REDIC1: variants seen among roughly 807,000 people sequenced by gnomAD.
The protein encoded by REDIC1 is HEI10 Interacting Protein 1.
At chr12:39,759,271 T>G in the REDIC1 span, 2 of 152,162 alleles carry the variant, frequency 1.3e-5, no homozygotes, top group African/African-American at 4.8e-5. Context: ...TTTCTGAACA[T>G]AAAAGGTACT....
chr12:39,846,440 A>G, the REDIC1 span, among the ~76,000 whole-genome samples: 2 of 152,126 alleles, frequency 1.3e-5, no homozygotes, highest in East Asian at 1.9e-4. Context: ...ATGATCTTCT[A>G]AAATTCACTT....
chr12:39,688,233 A>G, the REDIC1 span, among the ~76,000 whole-genome samples: 1 of 152,128 alleles, frequency 6.6e-6, no homozygotes, highest in African/African-American at 2.4e-5. Flanking sequence ...CAAAAATATA[A>G]TGCATTTAGA....
chr12:39,872,954 T>TA, the REDIC1 span, among the ~76,000 whole-genome samples: 1 of 152,226 alleles, frequency 6.6e-6, no homozygotes, highest in African/African-American at 2.4e-5. Flanking sequence ...TTTCCATAGT[T>TA]AAAAATCTAC....
the REDIC1 span, among the ~76,000 whole-genome samples, chr12:39,798,046 T>C: frequency 6.6e-6 from 1 of 152,216 alleles, no homozygotes; most frequent in Non-Finnish European, 1.5e-5. Context: ...AAAGATATGA[T>C]GGTGTCTGTC....
At chr12:39,864,918 G>A in the REDIC1 span, 3 of 1,573,148 alleles carry the variant, frequency 1.9e-6, no homozygotes, top group African/African-American at 1.4e-5. Flanking sequence ...GAGAAGAGTT[G>A]ACAATATTGT....
the REDIC1 span, among the ~76,000 whole-genome samples, chr12:39,798,472 A>G: frequency 6.6e-6 from 1 of 152,268 alleles, no homozygotes; most frequent in Non-Finnish European, 1.5e-5. Flanking sequence ...GAGATACCTT[A>G]ATGAACAGTA....
chr12:39,797,477 TAA>T, the REDIC1 span, among the ~76,000 whole-genome samples: 37 of 152,172 alleles, frequency 2.4e-4, no homozygotes, highest in African/African-American at 8.9e-4. Flanking sequence ...GGAAAATATA[TAA>T]GTGGTGATTT....
At chr12:39,797,754 A>G in the REDIC1 span, among the ~76,000 whole-genome samples, 1 of 152,058 alleles carries the variant, frequency 6.6e-6, no homozygotes, top group African/African-American at 2.4e-5. Flanking sequence ...ACACACACAC[A>G]CACACACACA....
chr12:39,871,906 T>C, the REDIC1 span: 23 of 1,611,284 alleles, frequency 1.4e-5, no homozygotes, highest in East Asian at 6.7e-5. Flanking sequence ...GCCAGCCATA[T>C]TGCAAGTCTA....
the REDIC1 span, among the ~76,000 whole-genome samples, chr12:39,714,960 A>G: frequency 5.3e-5 from 8 of 152,060 alleles, no homozygotes; most frequent in Non-Finnish European, 1.2e-4. Flanking sequence ...AATTCTGGAT[A>G]TAAGTCCTTT....
chr12:39,713,452 A>G, the REDIC1 span, among the ~76,000 whole-genome samples: 10 of 148,660 alleles, frequency 6.7e-5, no homozygotes, highest in African/African-American at 2.5e-4. Context: ...ACATATGTAT[A>G]CATACATTTG....
the REDIC1 span, among the ~76,000 whole-genome samples, chr12:39,739,212 G>T: frequency 6.6e-6 from 1 of 152,030 alleles, no homozygotes; most frequent in Non-Finnish European, 1.5e-5. Flanking sequence ...TACAACTTTT[G>T]CTCTTCCTAT....
the REDIC1 span, among the ~76,000 whole-genome samples, chr12:39,880,800 G>T: frequency 0.26 from 39,590 of 152,020 alleles, 5,445 homozygotes; most frequent in East Asian, 0.4. Context: ...CCAATTACTT[G>T]TCTCACCTCG....
chr12:39,669,757 C>T, the REDIC1 span, among the ~76,000 whole-genome samples: 2,475 of 152,308 alleles, frequency 0.016, 64 homozygotes, highest in African/African-American at 0.054. Flanking sequence ...CCGTGGTGGG[C>T]GCCCCTCCCA....
At chr12:39,904,361 G>C in the REDIC1 span, among the ~76,000 whole-genome samples, 1 of 152,114 alleles carries the variant, frequency 6.6e-6, no homozygotes, top group African/African-American at 2.4e-5. Context: ...TTTAGGAAAA[G>C]TTTTATATCA....
At chr12:39,899,959 G>A in the REDIC1 span, among the ~76,000 whole-genome samples, 3 of 152,016 alleles carry the variant, frequency 2.0e-5, no homozygotes, top group Admixed American at 6.6e-5. Context: ...CTGGCAAACC[G>A]AATCCAGCAG....
the REDIC1 span, among the ~76,000 whole-genome samples, chr12:39,763,322 A>G: frequency 1.3e-5 from 2 of 152,130 alleles, no homozygotes; most frequent in Non-Finnish European, 2.9e-5. Context: ...TTAGATAAAT[A>G]CCATTAACTA....
At chr12:39,771,850 A>T in the REDIC1 span, among the ~76,000 whole-genome samples, 3 of 152,122 alleles carry the variant, frequency 2.0e-5, no homozygotes. Flanking sequence ...GTACTCCTGT[A>T]CACAATCCTT....
At chr12:39,790,371 TCCCCCCA>T in the REDIC1 span, among the ~76,000 whole-genome samples, 1 of 77,824 alleles carries the variant, frequency 1.3e-5, no homozygotes, top group African/African-American at 5.2e-5. Context: ...CCCTCCCCCC[TCCCCCCA>T]CCCCACCACA....
Sources: allele counts gnomAD v4.1 joint callset (sites outside exome capture counted in the v4.1 genomes callset), GRCh38; gene constraint gnomAD v4.1.1; transcripts MANE v1.5; gene names NCBI Gene and HGNC (gene_info 2026-07-23, HGNC 2026-07-21).